Variants in TFIP11 observed in about 807,000 individuals in gnomAD.
The protein encoded by TFIP11 is tuftelin interacting protein 11, also known as tuftelin-interacting protein 11.
In TFIP11, 86 loss-of-function variants were observed where a neutral mutation model predicts 96.8. The observed-to-expected ratio is 0.89, with a 90% CI of 0.75 to 1.06. The LOEUF (loss-of-function observed/expected upper bound fraction) is 1.06. Among genes scored for constraint, TFIP11 ranks in the 50% least tolerant of loss-of-function variants. The pLI is 0.00. For synonymous variants in TFIP11, 405 were observed against 395.2 expected (o/e 1.02, Z -0.29); for missense variants, 881 against 1,076.7 (o/e 0.82, Z 2.54).
At chr22:26,501,240 C>T (rs114821506) in intron 8 of TFIP11, among the ~76,000 whole-genome samples, 3,017 of 152,210 alleles carry the variant, frequency 0.02, 92 homozygotes, top group African/African-American at 0.068. Context: ...TTTAATCTAT[C>T]TTAAAAAAAG....
At chr22:26,497,374 T>C (rs1017665766) in intron 10 of TFIP11, among the ~76,000 whole-genome samples, 1 of 152,194 alleles carries the variant, frequency 6.6e-6, no homozygotes, top group Non-Finnish European at 1.5e-5. Flanking sequence ...TGCTGTACTG[T>C]AGACAGAGGC....
At chr22:26,505,461 T>C (rs1923281436) in intron 6 of TFIP11, among the ~76,000 whole-genome samples, 1 of 152,178 alleles carries the variant, frequency 6.6e-6, no homozygotes, top group African/African-American at 2.4e-5. Context: ...TTAAAACCCT[T>C]GTGAGTAGGG....
intron 6 of TFIP11, among the ~76,000 whole-genome samples, chr22:26,505,019 ATGAGT>A (rs1009663046): frequency 1.3e-5 from 2 of 152,154 alleles, no homozygotes; most frequent in African/African-American, 4.8e-5. Context: ...GAAGTTGCAG[ATGAGT>A]TGAGATCGTG....
intron 10 of TFIP11, among the ~76,000 whole-genome samples, 166 bp from the exon 11 acceptor site, chr22:26,497,055 C>G (rs1473158453): frequency 6.6e-6 from 1 of 152,152 alleles, no homozygotes; most frequent in Non-Finnish European, 1.5e-5. Flanking sequence ...CTGAGCCTGC[C>G]TCTTCCTTGT....
intron 14 of TFIP11, chr22:26,492,776 ACC>A: frequency 5.3e-6 from 1 of 190,366 alleles, no homozygotes; most frequent in Non-Finnish European, 1.1e-5. Flanking sequence ...TTTATTTTTA[ACC>A]TACCCACACA....
rs201235822 is a variant in TFIP11, at chr22:26,492,298, G to C, written c.2229C>G (p.Phe743Leu). Residue 743 changes from phenylalanine (F) to leucine (L), a missense_variant, in exon 15 of 15, where the codon TTC (phenylalanine) becomes TTG (leucine). Coordinates refer to ENST00000407690, the MANE Select transcript of TFIP11 (RefSeq NM_012143.4). Reference protein sequence around the residue: ...YLTHTERRKDFQYEAMQERRE... With the variant: ...YLTHTERRKDLQYEAMQERRE... ...GCCTCTCCTGCATGGCCTCGTACTG[G>C]AAGTCCTTCCTCCGCTCCGTGTGGG... 4 of 1,614,070 alleles carry C rather than the reference G, an allele frequency of 2.5e-6. No homozygotes were observed. The highest frequency in any genetic ancestry group is 3.4e-6 in the Non-Finnish European group (4 of 1,180,034).
intron 10 of TFIP11, among the ~76,000 whole-genome samples, chr22:26,498,340 T>A (rs1386733579): frequency 6.6e-6 from 1 of 151,946 alleles, no homozygotes; most frequent in East Asian, 1.9e-4. Flanking sequence ...GTCAGGAGAT[T>A]GAGATCATTC....
intron 10 of TFIP11, chr22:26,498,615 T>C: frequency 2.8e-6 from 1 of 356,818 alleles, no homozygotes; most frequent in Non-Finnish European, 5.1e-6. Flanking sequence ...CACCAAAATC[T>C]CACAAATCAC....
At chr22:26,504,576 G>C (rs1040320717) in intron 6 of TFIP11, among the ~76,000 whole-genome samples, 2 of 151,972 alleles carry the variant, frequency 1.3e-5, no homozygotes, top group Non-Finnish European at 2.9e-5. Context: ...CAGCTACTTG[G>C]CAGGGTTGAG....
Position 26,492,263 on chromosome 22 carries a change from T to C in TFIP11, c.2264A>G (p.Glu755Gly), listed in dbSNP as rs779320513. Residue 755 changes from glutamate (E) to glycine (G), a missense_variant, in exon 15 of 15, where the codon GAG becomes GGG. By Grantham distance (98) the Glu-to-Gly change is moderately conservative. Transcript: ENST00000407690. ...GCCAATGCCCCTCTGAGCCATGTTC[T>C]CAGCCTCCCGCCTCTCCTGCATGGC... The part of the protein sequence containing the change: ...YEAMQERREA[E>G]NMAQRGIGVA... 1 of 1,614,254 alleles carries C rather than the reference T, an allele frequency of 6.2e-7. No individual in the cohort carries two copies. The highest frequency in any genetic ancestry group is 2.2e-5 in the East Asian group (1 of 44,896).
At chr22:26,501,468 A>G (rs527300171) in intron 8 of TFIP11, among the ~76,000 whole-genome samples, 1 of 152,136 alleles carries the variant, frequency 6.6e-6, no homozygotes, top group South Asian at 2.1e-4. Context: ...AAACCAGATA[A>G]AAGCTAAATG....
chr22:26,497,636 G>A (rs963676585), intron 10 of TFIP11, among the ~76,000 whole-genome samples: 2 of 152,180 alleles, frequency 1.3e-5, no homozygotes, highest in South Asian at 2.1e-4. Flanking sequence ...CCAGCACTCT[G>A]GGAGGCCAAG....
In TFIP11 at chr22:26,491,805, G is replaced by A; in HGVS notation, c.*208C>T. 2 of 965,120 alleles carry A rather than the reference G, an allele frequency of 2.1e-6. No individual in the cohort carries two copies. The highest frequency in any genetic ancestry group is 1.7e-5 in the South Asian group (1 of 59,330). 59.8% of individuals were successfully genotyped at this position (965,120 alleles called of 1,614,324 possible). On this transcript the variant is annotated 3_prime_UTR_variant, in exon 15 of 15. Coordinates refer to ENST00000407690, the MANE Select transcript of TFIP11 (RefSeq NM_012143.4). The stretch of plus-strand genomic sequence containing the variant: ...ATCAACTTGGCTGTCCTGTTTTGAG[G>A]ACGATACCCCACATGAGGACTTGGT...
chr22:26,502,085 G>A (rs542694154), intron 7 of TFIP11, 33 bp from the exon 8 acceptor site: 1 of 1,613,750 alleles, frequency 6.2e-7, no homozygotes, highest in South Asian at 1.1e-5. Flanking sequence ...GATGCAGCAA[G>A]GAACAACCAC....
Position 26,492,005 on chromosome 22 carries a change from G to A in TFIP11, c.*8C>T, listed in dbSNP as rs1712520283. On this transcript the variant is annotated 3_prime_UTR_variant, in exon 15 of 15. Coordinates refer to ENST00000407690, the MANE Select transcript of TFIP11 (RefSeq NM_012143.4). The stretch of plus-strand genomic sequence containing the variant: ...CAAGTCTCTGACTGGTTCTGGACCT[G>A]CCACAGTTCACTTGGCCATGTCGAT... 6.3e-7 allele frequency: 1 copy of A among 1,582,520 alleles called. No individual in the cohort carries two copies. The highest frequency in any genetic ancestry group is 8.6e-7 in the Non-Finnish European group (1 of 1,164,110).
At position 26,492,183 on chromosome 22, in the gene TFIP11, C is replaced by G; in HGVS notation, c.2344G>C (p.Glu782Gln). 1 of 1,614,232 alleles carries G rather than the reference C, an allele frequency of 6.2e-7. No homozygotes were observed. Among genetic ancestry groups the G allele is most frequent in the Non-Finnish European group, 8.5e-7 (1 of 1,180,038 alleles). ...NFKDLIETKA[E>Q]EHNIVFMPVI... ...GGCATGAAGACAATGTTGTGCTCCT[C>G]AGCCTTGGTCTCAATGAGGTCCTTA... Residue 782 changes from glutamate (E) to glutamine (Q), a missense_variant, in exon 15 of 15, where the codon GAG becomes CAG. By Grantham distance (29) the Glu-to-Gln change is conservative. Coordinates refer to ENST00000407690, the MANE Select transcript of TFIP11 (RefSeq NM_012143.4).
intron 4 of TFIP11, 62 bp downstream of exon 4, chr22:26,510,002 C>A: frequency 6.4e-7 from 1 of 1,565,508 alleles, no homozygotes; most frequent in Non-Finnish European, 8.8e-7. Context: ...CTCCTCCACT[C>A]CCTGTCCATC....
chr22:26,510,259 T>C lies in TFIP11; in HGVS notation c.14A>G (p.His5Arg). 6.2e-7 allele frequency: 1 copy of C among 1,614,044 alleles called. No homozygotes were observed. Among genetic ancestry groups the C allele is most frequent in the Non-Finnish European group, 8.5e-7 (1 of 1,180,004 alleles). Residue 5 changes from histidine to arginine, a missense_variant, in exon 4 of 15, where the codon CAC (histidine) becomes CGC (arginine). By Grantham distance (29) the His-to-Arg change is conservative (BLOSUM62 0). Transcript: ENST00000407690. ...GCGGCCTTCCCCATCCCGGTATAAGTGGGACAATGACATGGCCAGTCACTA... is the reference window on the plus strand; with the variant it reads ...GCGGCCTTCCCCATCCCGGTATAAGCGGGACAATGACATGGCCAGTCACTA... MSLS[H>R]LYRDGEGRID...
intron 12 of TFIP11, among the ~76,000 whole-genome samples, chr22:26,495,287 T>G (rs1921797287): frequency 8.1e-6 from 1 of 123,828 alleles, no homozygotes; most frequent in African/African-American, 3.2e-5. Context: ...TTTTTTTTTT[T>G]TTTTTTTTGT....
Sources: gnomAD v4.1 joint callset for allele counts (sites outside exome capture counted in the v4.1 genomes callset) on GRCh38, gnomAD v4.1.1 for gene constraint, MANE v1.5 for transcripts, NCBI Gene and HGNC (gene_info 2026-07-23, HGNC 2026-07-21) for gene names.